RABGEF1: variants seen among roughly 807,000 people sequenced by gnomAD.
RABGEF1 encodes the protein RAB guanine nucleotide exchange factor 1, also known as rab5 GDP/GTP exchange factor.
Under a neutral mutation model 57.3 loss-of-function variants are expected in RABGEF1, and 26 were observed. That is an observed-to-expected ratio of 0.45 (90% CI 0.33 to 0.63). The LOEUF is 0.63. RABGEF1 is among the 20% of genes least tolerant of loss of function. The pLI is 0.02. For synonymous variants in RABGEF1, 185 were observed against 210.7 expected, an observed-to-expected ratio of 0.88 and a Z score of 1.06; for missense variants, 464 against 607.6, an observed-to-expected ratio of 0.76 and a Z score of 2.48.
intron 1 of RABGEF1, among the ~76,000 whole-genome samples, chr7:66,684,900 G>A (rs564363110): frequency 6.6e-6 from 1 of 152,144 alleles, no homozygotes; most frequent in Non-Finnish European, 1.5e-5. Context: ...CTTCCAAAGT[G>A]TTGGGATTAC....
chr7:66,666,587 T>G, the RABGEF1 span, among the ~76,000 whole-genome samples: 1 of 152,160 alleles, frequency 6.6e-6, no homozygotes, highest in Non-Finnish European at 1.5e-5. Flanking sequence ...GTTTCTTGCC[T>G]CCTTCTGAGG....
intron 1 of RABGEF1, among the ~76,000 whole-genome samples, chr7:66,743,196 A>G (rs1175790732): frequency 6.6e-6 from 1 of 151,982 alleles, no homozygotes; most frequent in African/African-American, 2.4e-5. Flanking sequence ...AATGCTAGCT[A>G]CTCAGGAGGC....
At chr7:66,749,734 G>A (rs1800988031) in intron 1 of RABGEF1, among the ~76,000 whole-genome samples, 1 of 152,162 alleles carries the variant, frequency 6.6e-6, no homozygotes, top group African/African-American at 2.4e-5. Context: ...CACTTTGGGA[G>A]GCCAAGGCGG....
the RABGEF1 span, among the ~76,000 whole-genome samples, chr7:66,675,687 C>A: frequency 0.012 from 1,894 of 152,180 alleles, 38 homozygotes; most frequent in African/African-American, 0.042. Flanking sequence ...CCGTAAGGAT[C>A]CAGCATAGAC....
chr7:66,670,461 T>G, the RABGEF1 span, among the ~76,000 whole-genome samples: 1 of 69,778 alleles, frequency 1.4e-5, no homozygotes, highest in Admixed American at 1.6e-4. Flanking sequence ...TTTTTTTTTT[T>G]TTTGGCTAGA....
chr7:66,761,294 A>G (rs935167650), intron 1 of RABGEF1, among the ~76,000 whole-genome samples: 6 of 152,148 alleles, frequency 3.9e-5, no homozygotes, highest in Non-Finnish European at 7.4e-5. Flanking sequence ...CCTAACCCCC[A>G]TCAGTTGCAA....
At chr7:66,742,841 A>T (rs1251630928) in intron 1 of RABGEF1, among the ~76,000 whole-genome samples, 2 of 152,122 alleles carry the variant, frequency 1.3e-5, no homozygotes, top group Non-Finnish European at 2.9e-5. Context: ...TCCTGCACTC[A>T]AGCAATCTTC....
At chr7:66,765,132 T>C (rs1159714602) in intron 1 of RABGEF1, among the ~76,000 whole-genome samples, 2 of 151,440 alleles carry the variant, frequency 1.3e-5, no homozygotes, top group African/African-American at 4.8e-5. Context: ...CCTATGAGGC[T>C]TAGTTGGGTG....
At chr7:66,696,730 C>A (rs1213204609) in intron 1 of RABGEF1, among the ~76,000 whole-genome samples, 1 of 149,846 alleles carries the variant, frequency 6.7e-6, no homozygotes, top group Non-Finnish European at 1.5e-5. Flanking sequence ...GGAGCGTGGT[C>A]ATGTGCTGAG....
At chr7:66,661,785 C>G in the RABGEF1 span, among the ~76,000 whole-genome samples, 1 of 152,208 alleles carries the variant, frequency 6.6e-6, no homozygotes, top group Non-Finnish European at 1.5e-5. Flanking sequence ...CCAGCATTGC[C>G]TTGATGCTAG....
intron 2 of RABGEF1, among the ~76,000 whole-genome samples, chr7:66,735,430 T>G (rs1410064678): frequency 1.3e-5 from 2 of 152,260 alleles, no homozygotes; most frequent in Admixed American, 1.3e-4. Flanking sequence ...CCTTTGCCTC[T>G]TAATAAATGT....
chr7:66,706,602 G>A (rs1294011702), intron 1 of RABGEF1, among the ~76,000 whole-genome samples: 1 of 151,062 alleles, frequency 6.6e-6, no homozygotes, highest in Non-Finnish European at 1.5e-5. Context: ...GTAGAGACGG[G>A]ATTTCACCAT....
intron 2 of RABGEF1, among the ~76,000 whole-genome samples, chr7:66,719,686 T>G (rs1051742605): frequency 5.3e-4 from 80 of 152,312 alleles, no homozygotes; most frequent in African/African-American, 1.8e-3. Flanking sequence ...ACCAAACACC[T>G]AACAAATAGA....
chr7:66,753,096 G>C (rs1398493232), intron 1 of RABGEF1, among the ~76,000 whole-genome samples: 2 of 152,214 alleles, frequency 1.3e-5, no homozygotes. Flanking sequence ...ACGGGAGAGA[G>C]AATTACCCTG....
chr7:66,741,916 C>T (rs567337417), intron 1 of RABGEF1, among the ~76,000 whole-genome samples: 4 of 151,988 alleles, frequency 2.6e-5, no homozygotes, highest in African/African-American at 9.7e-5. Context: ...GCAGGCGGAT[C>T]ATGACGTCAG....
At chr7:66,679,002 G>A (rs1789502614), upstream of RABGEF1, among the ~76,000 whole-genome samples, 1 of 152,210 alleles carries the variant, frequency 6.6e-6, no homozygotes, top group African/African-American at 2.4e-5. Flanking sequence ...AGTCATGTGT[G>A]ATAGATGTTT....
chr7:66,657,591 C>T, the RABGEF1 span, among the ~76,000 whole-genome samples: 3 of 152,170 alleles, frequency 2.0e-5, no homozygotes, highest in African/African-American at 4.8e-5. Flanking sequence ...GAGGCTGAAG[C>T]GGGAGGATCC....
chr7:66,662,089 A>T, the RABGEF1 span, among the ~76,000 whole-genome samples: 1 of 152,184 alleles, frequency 6.6e-6, no homozygotes, highest in South Asian at 2.1e-4. Flanking sequence ...GTATAAAAAA[A>T]TTAGCCGGGC....
At chr7:66,762,149 A>G (rs571983012) in intron 1 of RABGEF1, among the ~76,000 whole-genome samples, 1 of 152,346 alleles carries the variant, frequency 6.6e-6, no homozygotes, top group Admixed American at 6.5e-5. Flanking sequence ...ACCAATATAT[A>G]TTATAACACC....
Sources: gnomAD v4.1 joint callset for allele counts (sites outside exome capture counted in the v4.1 genomes callset) on GRCh38, gnomAD v4.1.1 for gene constraint, MANE v1.5 for transcripts, NCBI Gene and HGNC (gene_info 2026-07-23, HGNC 2026-07-21) for gene names.